TMEM181: variants seen among roughly 807,000 people sequenced by gnomAD.
TMEM181 encodes the protein transmembrane protein 181.
Under a neutral mutation model 71.9 loss-of-function variants are expected in TMEM181, and 39 were observed. The observed-to-expected ratio is 0.54, with a 90% confidence interval of 0.42 to 0.71. The LOEUF (loss-of-function observed/expected upper bound fraction) is 0.71. Ranked by LOEUF, TMEM181 falls within the 30% of genes least tolerant of loss-of-function variation. The probability of loss-of-function intolerance (pLI) is 0.00; values close to 1 mark genes in which losing one functional copy is unlikely to be tolerated. For missense variants in TMEM181, 595 were observed against 583.0 expected, an observed-to-expected ratio of 1.02 and a Z score of -0.21; for synonymous variants, 245 against 228.8, an observed-to-expected ratio of 1.07 and a Z score of -0.64.
exon 1 of TMEM181, chr6:158,536,771 T>G: frequency 1.9e-6 from 3 of 1,574,562 alleles, no homozygotes; most frequent in Non-Finnish European, 2.6e-6. Context: ...GCCCCCGCTC[T>G]GCAGCGAGCT....
chr6:158,557,852 C>G (rs1421458471), upstream of TMEM181, among the ~76,000 whole-genome samples: 1 of 152,180 alleles, frequency 6.6e-6, no homozygotes, highest in Non-Finnish European at 1.5e-5. Context: ...ATTGTTTGTT[C>G]TTGACTAGAA....
chr6:158,566,421 G>T (rs1271717292), intron 1 of TMEM181, among the ~76,000 whole-genome samples: 2 of 151,100 alleles, frequency 1.3e-5, no homozygotes, highest in Non-Finnish European at 3.0e-5. Flanking sequence ...GAGGTGATGG[G>T]GTGAGGAAGA....
intron 1 of TMEM181, among the ~76,000 whole-genome samples, chr6:158,539,349 G>A (rs73012135): frequency 0.022 from 3,292 of 152,246 alleles, 61 homozygotes; most frequent in Non-Finnish European, 0.032. Context: ...ATGGATTGTC[G>A]CTGTACAAAA....
In TMEM181 at chr6:158,631,783, C is replaced by T. The variant is rs760617869; in HGVS notation, c.1350-27C>T. On this transcript the variant is annotated intron_variant, in intron 16 of 16. Transcript: ENST00000684151. ...AAATAAAGAGCTGTCAGAAGTTAGA[C>T]GGTCTCAAAGGTCTCTTTGCTCACA... The T allele has an allele frequency of 7.6e-6, 12 of 1,576,406 alleles. No individual in the cohort carries two copies. The East Asian group carries it at 1.2e-4, about 15-fold the overall frequency.
intron 13 of TMEM181, chr6:158,626,715 G>T (rs1003995496): frequency 2.2e-6 from 1 of 457,048 alleles, no homozygotes; most frequent in Admixed American, 2.4e-5. Flanking sequence ...AGGTGTGCAC[G>T]TTGTCTCTGT....
At chr6:158,554,386 A>AT (rs1434874249) in intron 1 of TMEM181, among the ~76,000 whole-genome samples, 2 of 151,800 alleles carry the variant, frequency 1.3e-5, no homozygotes, top group Admixed American at 6.6e-5. Context: ...GCGCCTGGCC[A>AT]TTTTTGTAGT....
chr6:158,623,967 G>T (rs1786121271), intron 11 of TMEM181, among the ~76,000 whole-genome samples: 1 of 152,158 alleles, frequency 6.6e-6, no homozygotes, highest in African/African-American at 2.4e-5. Context: ...TCACCATATT[G>T]GCCAGACTGT....
At position 158,572,295 on chromosome 6, in the gene TMEM181, A is replaced by AG. The variant is rs1396476583; in HGVS notation, c.9-1122dup. On this transcript the variant is annotated intron_variant, in intron 1 of 16. Transcript: ENST00000684151. ...ACCGTGAAGCCAGTAACCTTCCTGC[A>AG]GGGCCAGGCTGAGCATACTATGTCC... 3 of 355,162 alleles carry AG rather than the reference A, an allele frequency of 8.4e-6. No homozygotes were observed. In the East Asian group the frequency reaches 2.6e-4, roughly 30 times the overall value. 22.0% of individuals were successfully genotyped at this position (355,162 alleles called of 1,614,324 possible).
At chr6:158,621,213 G>T (rs1334427334) in intron 10 of TMEM181, among the ~76,000 whole-genome samples, 1 of 152,210 alleles carries the variant, frequency 6.6e-6, no homozygotes, top group Non-Finnish European at 1.5e-5. Flanking sequence ...TTACCCAAGA[G>T]ACTTTCCCCT....
intron 1 of TMEM181, among the ~76,000 whole-genome samples, chr6:158,564,509 T>A (rs1582948117): frequency 6.6e-6 from 1 of 152,152 alleles, no homozygotes; most frequent in East Asian, 1.9e-4. Context: ...TACAGTGGGG[T>A]CTTTGAAGAT....
chr6:158,561,142 G>A (rs1047603000), intron 1 of TMEM181, among the ~76,000 whole-genome samples: 2 of 152,186 alleles, frequency 1.3e-5, no homozygotes, highest in African/African-American at 4.8e-5. Context: ...GAGGCAGAAG[G>A]GTTTTGCTTT....
chr6:158,612,459 C>T (rs1214246278), intron 10 of TMEM181, among the ~76,000 whole-genome samples: 1 of 152,176 alleles, frequency 6.6e-6, no homozygotes, highest in African/African-American at 2.4e-5. Flanking sequence ...AATAGCCATG[C>T]TCCTGTCAGT....
chr6:158,621,287 T>A (rs866959377), intron 10 of TMEM181: 2 of 152,436 alleles, frequency 1.3e-5, no homozygotes, highest in Non-Finnish European at 2.9e-5. Flanking sequence ...TGCTGCTTGT[T>A]AGAATCTCGA....
intron 5 of TMEM181, among the ~76,000 whole-genome samples, chr6:158,587,201 C>T (rs2128303463): frequency 6.6e-6 from 1 of 152,310 alleles, no homozygotes; most frequent in Non-Finnish European, 1.5e-5. Context: ...GGTTGCCCTA[C>T]CTAAAGCCTT....
chr6:158,634,700 T>C lies in TMEM181; in HGVS notation c.*2812T>C, dbSNP rs1042267584. The C allele has an allele frequency of 1.2e-4, 18 of 152,296 alleles. No homozygotes were observed. Among genetic ancestry groups the C allele is most frequent in the African/African-American group, 4.1e-4 (17 of 41,576 alleles). 9.4% of individuals were successfully genotyped at this position (152,296 alleles called of 1,614,324 possible). ...TATACTATGTTCAAGGTTTGTAAGG[T>C]TGTTAATGTACATAATTGCAGATTG... On this transcript the variant is annotated 3_prime_UTR_variant, in exon 17 of 17. Transcript: ENST00000684151.
Position 158,569,754 on chromosome 6 carries a change from T to C in TMEM181, c.9-3666T>C, listed in dbSNP as rs185816076. The stretch of plus-strand genomic sequence containing the variant: ...TAGCTGGGATTATAGGCATGTGCCA[T>C]CACACCTGGCTAAGTTTTGTATTTT... On this transcript the variant is annotated intron_variant, in intron 1 of 16. Coordinates refer to ENST00000684151, the MANE Select transcript of TMEM181 (RefSeq NM_001376852.1). 4.8e-4 allele frequency among the ~76,000 whole-genome samples: 73 copies of C among 152,186 alleles called. 1 individual carries two copies. Among genetic ancestry groups the C allele is most frequent in the African/African-American group, 1.7e-3 (69 of 41,518 alleles).
At chr6:158,569,206 GC>G (rs1438598885) in intron 1 of TMEM181, among the ~76,000 whole-genome samples, 2 of 152,192 alleles carry the variant, frequency 1.3e-5, no homozygotes, top group Admixed American at 6.5e-5. Flanking sequence ...TGATCATCAC[GC>G]AGAATTATCC....
At chr6:158,626,926 ACCCTCATTCT>A (rs1786323494) in intron 13 of TMEM181, among the ~76,000 whole-genome samples, 1 of 69,844 alleles carries the variant, frequency 1.4e-5, no homozygotes, top group Non-Finnish European at 2.6e-5. Context: ...CCTCATTCTC[ACCCTCATTCT>A]CACCCTCACC....
At chr6:158,608,261 A>T in intron 8 of TMEM181, 72 bp from the exon 9 acceptor site, 4 of 1,532,426 alleles carry the variant, frequency 2.6e-6, no homozygotes, top group Non-Finnish European at 3.5e-6. Context: ...GACCCCGCAG[A>T]GGTATGGGGT....
Sources: gnomAD v4.1 joint callset for allele counts (sites outside exome capture counted in the v4.1 genomes callset) on GRCh38, gnomAD v4.1.1 for gene constraint, MANE v1.5 for transcripts, NCBI Gene and HGNC (gene_info 2026-07-23, HGNC 2026-07-21) for gene names.